EMP2: variants seen among roughly 807,000 people sequenced by gnomAD.
The protein encoded by EMP2 is epithelial membrane protein 2.
In EMP2, 19 loss-of-function variants were observed where a neutral mutation model predicts 13.7. The ratio of observed to expected loss-of-function variants is 1.38; its 90% CI spans 0.97 to 2.03. EMP2 has a LOEUF of 2.03. EMP2 is among the 30% of genes most tolerant of loss of function. The pLI, the probability that EMP2 is intolerant of heterozygous loss-of-function variation, is 0.00. For synonymous variants in EMP2, 97 were observed against 84.7 expected (o/e 1.15, Z -0.80); for missense variants, 253 against 220.7 (o/e 1.15, Z -0.93).
chr16:10,554,437 C>T (rs191650995), intron 1 of EMP2, among the ~76,000 whole-genome samples: 2 of 152,194 alleles, frequency 1.3e-5, no homozygotes, highest in East Asian at 3.9e-4. Context: ...TAATTCTGGT[C>T]CCTAGAGACC....
intron 1 of EMP2, among the ~76,000 whole-genome samples, chr16:10,572,708 C>T (rs1165053768): frequency 2.0e-5 from 3 of 152,290 alleles, no homozygotes; most frequent in South Asian, 2.1e-4. Flanking sequence ...AGCACCTCCT[C>T]GACCCTCCAC....
At chr16:10,553,721 G>C (rs1176036392) in intron 1 of EMP2, among the ~76,000 whole-genome samples, 2 of 152,226 alleles carry the variant, frequency 1.3e-5, no homozygotes, top group Non-Finnish European at 2.9e-5. Context: ...CTGGTGTTTT[G>C]TTGTGCGGCT....
chr16:10,542,715 T>C (rs1191948161), intron 3 of EMP2, among the ~76,000 whole-genome samples: 1 of 152,254 alleles, frequency 6.6e-6, no homozygotes, highest in Non-Finnish European at 1.5e-5. Flanking sequence ...CCTTTTCATG[T>C]ATTTTAGCTC....
At chr16:10,571,593 T>C (rs1043713890) in intron 1 of EMP2, among the ~76,000 whole-genome samples, 5 of 152,132 alleles carry the variant, frequency 3.3e-5, no homozygotes, top group Non-Finnish European at 5.9e-5. Flanking sequence ...GAATTTTAAG[T>C]GGGGCAGGGG....
intron 1 of EMP2, among the ~76,000 whole-genome samples, chr16:10,565,818 T>C (rs767926005): frequency 5.3e-5 from 8 of 152,116 alleles, no homozygotes; most frequent in Non-Finnish European, 1.0e-4. Context: ...ATTTCCCTAC[T>C]AGCATGCCTA....
intron 1 of EMP2, among the ~76,000 whole-genome samples, chr16:10,575,842 C>T (rs189052863): frequency 6.6e-6 from 1 of 152,082 alleles, no homozygotes; most frequent in Admixed American, 6.5e-5. Flanking sequence ...AAGGGACTCC[C>T]CTGGAAGCTA....
At chr16:10,573,923 G>C (rs571280752) in intron 1 of EMP2, among the ~76,000 whole-genome samples, 3 of 145,868 alleles carry the variant, frequency 2.1e-5, no homozygotes, top group East Asian at 4.0e-4. Context: ...GGGTACAATG[G>C]ATAAACCTTT....
At position 10,547,545 on chromosome 16, in the gene EMP2, C is replaced by T. The variant is rs768678154; in HGVS notation, c.73G>A (p.Asp25Asn). The T allele has an allele frequency of 1.5e-5, 24 of 1,613,800 alleles. No individual in the cohort carries two copies. The highest frequency in any genetic ancestry group is 8.3e-5 in the Admixed American group (5 of 59,970). Reference protein sequence around the residue: ...SAALLFIATVDNAWWVGDEFF... With the variant: ...SAALLFIATVNNAWWVGDEFF... The stretch of plus-strand genomic sequence containing the variant: ...TGGCAGGAAAGGAAACTTACATTGT[C>T]GACGGTGGCAATGAACAGCAAGGCT... The change falls in exon 2 of 5, where the codon GAC (aspartate) becomes AAC (asparagine). Residue 25 changes from aspartate (D) to asparagine (N), a missense_variant. By Grantham distance (23) the Asp-to-Asn change is conservative. Transcript: ENST00000359543.
In EMP2 at chr16:10,570,455, T is replaced by C. The variant is rs142352190; in HGVS notation, c.-61+10094A>G. On this transcript the variant is annotated intron_variant, in intron 1 of 4. Transcript: ENST00000359543. ...CCCGTCACCCAGAGCTTGAATGCAGTGGCGTGATCTCAACTCACCGTCACG... is the reference window on the plus strand; with the variant it reads ...CCCGTCACCCAGAGCTTGAATGCAGCGGCGTGATCTCAACTCACCGTCACG... Among the ~76,000 whole-genome samples, 638 of 152,278 alleles carry C rather than the reference T, an allele frequency of 4.2e-3. 2 individuals carry two copies. The highest frequency in any genetic ancestry group is 0.015 in the African/African-American group (604 of 41,554).
chr16:10,564,821 G>A (rs1170791116), intron 1 of EMP2, among the ~76,000 whole-genome samples: 3 of 152,130 alleles, frequency 2.0e-5, no homozygotes, highest in African/African-American at 4.8e-5. Flanking sequence ...TTCAGGCACT[G>A]TCCCAGCAAC....
At chr16:10,547,426 A>G (rs1035485114) in intron 2 of EMP2, 114 bp downstream of exon 2, 14 of 1,143,336 alleles carry the variant, frequency 1.2e-5, no homozygotes, top group Non-Finnish European at 1.6e-5. Flanking sequence ...TTCCTTATAA[A>G]TTACCTAGTC....
intron 1 of EMP2, among the ~76,000 whole-genome samples, chr16:10,569,142 C>T (rs893124391): frequency 6.6e-6 from 1 of 152,046 alleles, no homozygotes; most frequent in African/African-American, 2.4e-5. Flanking sequence ...GAAATTCATT[C>T]GAAGCCTGCA....
chr16:10,554,209 T>C (rs577122012), intron 1 of EMP2, among the ~76,000 whole-genome samples: 2 of 152,136 alleles, frequency 1.3e-5, no homozygotes, highest in Non-Finnish European at 2.9e-5. Context: ...TTTTTGTATT[T>C]TTAGTAAAGA....
rs1253607334 is a variant in EMP2 at position 10,531,424 on chromosome 16, C to T, written c.*1481G>A. ...CTCGGCTCACTGCAACCTCCACCTC[C>T]CATTTCAAGTGATTCTCCTGCCTCA... is the stretch of plus-strand genomic sequence containing the variant. On this transcript the variant is annotated 3_prime_UTR_variant, in exon 5 of 5. Transcript: ENST00000359543. 1 of 152,272 alleles carries T rather than the reference C, an allele frequency of 6.6e-6. No individual in the cohort carries two copies. The highest frequency in any genetic ancestry group is 2.4e-5 in the African/African-American group (1 of 41,436). The allele number at this position is 152,272 out of a possible 1,614,324, so 9.4% of individuals were successfully genotyped here.
intron 1 of EMP2, among the ~76,000 whole-genome samples, chr16:10,574,171 C>G (rs1481182846): frequency 1.3e-5 from 2 of 152,126 alleles, no homozygotes; most frequent in Non-Finnish European, 2.9e-5. Flanking sequence ...CTCCTGAACT[C>G]AAGTGATCTG....
chr16:10,577,645 C>G (rs750501418), intron 1 of EMP2, among the ~76,000 whole-genome samples: 1 of 152,070 alleles, frequency 6.6e-6, no homozygotes, highest in Non-Finnish European at 1.5e-5. Flanking sequence ...GCCAACTGCC[C>G]TCTTCCTTCA....
At chr16:10,548,663 T>G (rs1308754694) in intron 1 of EMP2, among the ~76,000 whole-genome samples, 1 of 151,778 alleles carries the variant, frequency 6.6e-6, no homozygotes, top group Non-Finnish European at 1.5e-5. Context: ...CACTGCACAC[T>G]AGCCTGGGTG....
chr16:10,564,011 C>T (rs2050890446), intron 1 of EMP2, among the ~76,000 whole-genome samples: 1 of 152,256 alleles, frequency 6.6e-6, no homozygotes, highest in Non-Finnish European at 1.5e-5. Flanking sequence ...CAATGTACAA[C>T]AGCAGCAGAG....
At chr16:10,563,686 G>A (rs1030083826) in intron 1 of EMP2, among the ~76,000 whole-genome samples, 14 of 152,232 alleles carry the variant, frequency 9.2e-5, no homozygotes, top group African/African-American at 3.1e-4. Flanking sequence ...TGAGCAGGAA[G>A]TAATTTGAGT....
Sources: gnomAD v4.1 joint callset for allele counts (sites outside exome capture counted in the v4.1 genomes callset) on GRCh38, gnomAD v4.1.1 for gene constraint, MANE v1.5 for transcripts, NCBI Gene and HGNC (gene_info 2026-07-23, HGNC 2026-07-21) for gene names.